AGK: variants seen among roughly 807,000 people sequenced by gnomAD.
The protein encoded by AGK is acylglycerol kinase, mitochondrial.
Under a neutral mutation model 66.4 loss-of-function variants are expected in AGK, and 52 were observed. That is an observed-to-expected ratio of 0.78 (90% CI 0.63 to 0.99). The LOEUF is 0.99. AGK is among the 50% of genes least tolerant of loss of function. The pLI is 0.00. For missense variants in AGK, 451 were observed against 506.6 expected (o/e 0.89, Z 1.05); for synonymous variants, 182 against 181.1 (o/e 1.00, Z -0.04).
At chr7:141,636,480 G>A (rs533459916) in intron 10 of AGK, among the ~76,000 whole-genome samples, 2 of 152,274 alleles carry the variant, frequency 1.3e-5, no homozygotes, top group African/African-American at 2.4e-5. Context: ...TGTTGAATCC[G>A]TGCAAATAAA....
intron 11 of AGK, among the ~76,000 whole-genome samples, chr7:141,640,723 T>A (rs936786297): frequency 2.0e-4 from 30 of 152,086 alleles, no homozygotes; most frequent in Non-Finnish European, 1.5e-5. Context: ...AGGGTGACAC[T>A]GGACTTGGGA....
At chr7:141,556,001 C>T (rs1001611897) in intron 2 of AGK, among the ~76,000 whole-genome samples, 23 of 152,102 alleles carry the variant, frequency 1.5e-4, no homozygotes, top group Non-Finnish European at 2.1e-4. Context: ...GTGGTCTGAG[C>T]GCAGCTTGGT....
intron 9 of AGK, among the ~76,000 whole-genome samples, chr7:141,625,021 A>C (rs956861309): frequency 1.3e-5 from 2 of 152,208 alleles, no homozygotes; most frequent in African/African-American, 4.8e-5. Context: ...ATCAGCATGG[A>C]GGCAAGACAC....
chr7:141,602,172 CTTGTGTGT>C (rs1340727854), intron 5 of AGK, among the ~76,000 whole-genome samples: 3 of 73,492 alleles, frequency 4.1e-5, no homozygotes, highest in East Asian at 4.6e-4. Context: ...GGGAGATTTT[CTTGTGTGT>C]GTGTGTGTGT....
rs1009854166 is a variant in AGK at position 141,581,137 on chromosome 7, C to T, written c.102-12009C>T. Among the ~76,000 whole-genome samples the T allele has an allele frequency of 5.9e-5, 9 of 151,812 alleles. 1 individual carries two copies. Among genetic ancestry groups the T allele is most frequent in the Non-Finnish European group, 1.3e-4 (9 of 68,002 alleles). ...TTTTATGAAGAATTATGCCGATATA[C>T]GTAACAGATGAAGAAATTTGGGCTT... On this transcript the variant is annotated intron_variant, in intron 2 of 15. Transcript: ENST00000649286.
At chr7:141,588,773 T>C (rs1796046230) in intron 2 of AGK, among the ~76,000 whole-genome samples, 1 of 152,168 alleles carries the variant, frequency 6.6e-6, no homozygotes, top group Non-Finnish European at 1.5e-5. Flanking sequence ...GGATGGGCAA[T>C]TCCCAGAACT....
chr7:141,633,565 T>G lies in AGK; in HGVS notation c.589-336T>G, dbSNP rs1461525679. ...GTTATCTTTGCCTTGGACAAGTACA[T>G]GAAAGAAAAGAAATTCTAGCTGACC... On this transcript the variant is annotated intron_variant, in intron 9 of 15. Transcript: ENST00000649286. Among the ~76,000 whole-genome samples, 3 of 152,138 alleles carry G rather than the reference T, an allele frequency of 2.0e-5. No individual in the cohort carries two copies. The East Asian group carries it at 5.8e-4, about 29-fold the overall frequency.
intron 1 of AGK, among the ~76,000 whole-genome samples, chr7:141,551,931 G>T (rs937959122): frequency 1.3e-5 from 2 of 152,172 alleles, no homozygotes; most frequent in African/African-American, 4.8e-5. Flanking sequence ...ATACTCCACA[G>T]GCGTGTCAAA....
intron 9 of AGK, among the ~76,000 whole-genome samples, chr7:141,627,825 G>C (rs1796970466): frequency 6.6e-6 from 1 of 152,206 alleles, no homozygotes; most frequent in Admixed American, 6.5e-5. Context: ...TTATATATGT[G>C]TTAGAAGTAA....
rs145800804 is a variant in AGK at position 141,603,950 on chromosome 7, A to T, written c.297+2670A>T. Reference sequence around the variant, plus strand: ...ATTTTCATACTTAGGAAAAGTAGCGATTCTCTTTTATCATCTTACACTGTC... The same window carrying T: ...ATTTTCATACTTAGGAAAAGTAGCGTTTCTCTTTTATCATCTTACACTGTC... On this transcript the variant is annotated intron_variant, in intron 5 of 15. Coordinates refer to ENST00000649286, the MANE Select transcript of AGK (RefSeq NM_018238.4). 7.5e-4 allele frequency among the ~76,000 whole-genome samples: 114 copies of T among 152,276 alleles called. 2 individuals are homozygous for T. In the East Asian group the frequency reaches 0.017, roughly 22 times the overall value.
intron 2 of AGK, among the ~76,000 whole-genome samples, chr7:141,575,993 C>T (rs1402467157): frequency 1.3e-5 from 2 of 152,076 alleles, no homozygotes; most frequent in Non-Finnish European, 2.9e-5. Flanking sequence ...AATGAACTTG[C>T]TAACTATGAA....
intron 5 of AGK, among the ~76,000 whole-genome samples, chr7:141,606,361 A>G (rs931884865): frequency 2.0e-5 from 3 of 152,186 alleles, no homozygotes; most frequent in Non-Finnish European, 2.9e-5. Flanking sequence ...CTCTTGTTCC[A>G]TATACTATTC....
chr7:141,636,992 C>T lies in AGK; in HGVS notation c.701C>T (p.Ala234Val), dbSNP rs745464486. Residue 234 changes from alanine (A) to valine (V), a missense_variant, in exon 11 of 16, where the codon GCA becomes GTA. By Grantham distance (64) the Ala-to-Val change is moderately conservative. Coordinates refer to ENST00000649286, the MANE Select transcript of AGK (RefSeq NM_018238.4). ...YWYLGPLKIKAAHFFSTLKEW... is the reference protein window; with the variant it reads ...YWYLGPLKIKVAHFFSTLKEW... ...TATCTTGGGCCTCTAAAAATCAAAG[C>T]AGCCCACTTTTTCAGCACTCTTAAG... is the stretch of plus-strand genomic sequence containing the variant. The T allele has an allele frequency of 1.4e-5, 23 of 1,612,702 alleles. 1 individual carries two copies. The South Asian group carries it at 1.9e-4, about 13-fold the overall frequency.
At chr7:141,601,399 C>A in intron 5 of AGK, 119 bp downstream of exon 5, 1 of 702,826 alleles carries the variant, frequency 1.4e-6, no homozygotes, top group Non-Finnish European at 2.4e-6. Flanking sequence ...ATGTTGTATC[C>A]TGTTCTGACA....
At chr7:141,641,963 G>C (rs1797302789) in intron 13 of AGK, 55 bp downstream of exon 13, 2 of 1,371,746 alleles carry the variant, frequency 1.5e-6, no homozygotes, top group Non-Finnish European at 2.0e-6. Context: ...AGTGACAATA[G>C]CTATAGTCCT....
intron 2 of AGK, among the ~76,000 whole-genome samples, chr7:141,579,049 T>C (rs963883528): frequency 1.3e-5 from 2 of 151,934 alleles, no homozygotes; most frequent in African/African-American, 4.8e-5. Context: ...AGACAGAAGA[T>C]AGTAGGGATG....
chr7:141,617,263 G>A (rs1457078358), intron 8 of AGK, among the ~76,000 whole-genome samples: 3 of 152,110 alleles, frequency 2.0e-5, no homozygotes, highest in Non-Finnish European at 2.9e-5. Flanking sequence ...CCCCTTGCCT[G>A]TCCAAAAGCT....
At chr7:141,606,134 A>C (rs960344038) in intron 5 of AGK, among the ~76,000 whole-genome samples, 1 of 152,200 alleles carries the variant, frequency 6.6e-6, no homozygotes, top group Non-Finnish European at 1.5e-5. Flanking sequence ...CCAGGTGATT[A>C]TAATGTGTAG....
intron 2 of AGK, among the ~76,000 whole-genome samples, chr7:141,558,632 G>C (rs1795269341): frequency 6.6e-6 from 1 of 151,944 alleles, no homozygotes; most frequent in African/African-American, 2.4e-5. Context: ...TAATTATTTT[G>C]GATATATGCC....
Sources: gnomAD v4.1 joint callset for allele counts (sites outside exome capture counted in the v4.1 genomes callset) on GRCh38, gnomAD v4.1.1 for gene constraint, MANE v1.5 for transcripts, NCBI Gene and HGNC (gene_info 2026-07-23, HGNC 2026-07-21) for gene names.